PPARGC1A: variants seen among roughly 807,000 people sequenced by gnomAD.
PPARGC1A encodes peroxisome proliferator-activated receptor gamma coactivator 1-alpha.
PPARGC1A carries 25 observed loss-of-function variants against 88.7 expected under a neutral mutation model. That is an observed-to-expected ratio of 0.28 (90% CI 0.21 to 0.39). The LOEUF (loss-of-function observed/expected upper bound fraction) is 0.39, where lower values mean the gene tolerates loss of function less well. PPARGC1A is among the 10% of genes least tolerant of loss of function. The pLI is 1.00. For synonymous variants in PPARGC1A, 363 were observed against 355.6 expected, an observed-to-expected ratio of 1.02 and a Z score of -0.24; for missense variants, 880 against 968.7, an observed-to-expected ratio of 0.91 and a Z score of 1.22.
At chr4:24,197,868 AG>A in the PPARGC1A span, among the ~76,000 whole-genome samples, 1 of 152,220 alleles carries the variant, frequency 6.6e-6, no homozygotes, top group Non-Finnish European at 1.5e-5. Context: ...TTGTGAGGAA[AG>A]CTTACCTTTA....
chr4:24,037,727 C>T, the PPARGC1A span, among the ~76,000 whole-genome samples: 24 of 152,252 alleles, frequency 1.6e-4, no homozygotes, highest in East Asian at 4.4e-3. Context: ...CTTGTGTATG[C>T]GTCTTGCCAA....
upstream of PPARGC1A, among the ~76,000 whole-genome samples, chr4:23,908,087 C>T (rs1720276016): frequency 6.6e-6 from 1 of 152,100 alleles, no homozygotes; most frequent in African/African-American, 2.4e-5. Context: ...ACTACCGATG[C>T]TTCGTCATGG....
the PPARGC1A span, among the ~76,000 whole-genome samples, chr4:24,195,802 T>G: frequency 5.9e-5 from 9 of 152,194 alleles, no homozygotes; most frequent in Admixed American, 6.5e-5. Context: ...ACTCTAGGAT[T>G]TATAGCAAAA....
At chr4:24,222,005 G>A in the PPARGC1A span, among the ~76,000 whole-genome samples, 1 of 152,054 alleles carries the variant, frequency 6.6e-6, no homozygotes, top group Non-Finnish European at 1.5e-5. Flanking sequence ...CTCACTGAGA[G>A]ATACCCATTG....
the PPARGC1A span, among the ~76,000 whole-genome samples, chr4:24,125,767 C>CT: frequency 2.0e-5 from 3 of 152,136 alleles, no homozygotes; most frequent in Non-Finnish European, 4.4e-5. Flanking sequence ...ATTAAATTGA[C>CT]TTATCTCTAC....
the PPARGC1A span, among the ~76,000 whole-genome samples, chr4:24,096,152 C>T: frequency 6.6e-6 from 1 of 152,288 alleles, no homozygotes; most frequent in Admixed American, 6.5e-5. Flanking sequence ...TGGCACTTCC[C>T]TCTTCGCTTT....
At chr4:24,208,290 A>G in the PPARGC1A span, among the ~76,000 whole-genome samples, 59 of 152,040 alleles carry the variant, frequency 3.9e-4, no homozygotes, top group African/African-American at 1.4e-3. Context: ...AAAAAAGGGA[A>G]TGGAAGGGAA....
the PPARGC1A span, among the ~76,000 whole-genome samples, chr4:24,346,398 T>C: frequency 6.6e-6 from 1 of 152,160 alleles, no homozygotes; most frequent in African/African-American, 2.4e-5. Flanking sequence ...CTACTGTGAA[T>C]CCTTCTGGTC....
chr4:24,387,810 A>AAGAG, the PPARGC1A span, among the ~76,000 whole-genome samples: 45 of 108,380 alleles, frequency 4.2e-4, no homozygotes, highest in South Asian at 1.3e-3. Flanking sequence ...GAAAGAAAGA[A>AAGAG]AGAAAGAAAG....
the PPARGC1A span, among the ~76,000 whole-genome samples, chr4:24,160,964 T>C: frequency 7.9e-5 from 12 of 152,320 alleles, no homozygotes; most frequent in South Asian, 2.3e-3. Context: ...AAAATCACTC[T>C]GTTTTATTCT....
chr4:24,213,770 A>T, the PPARGC1A span, among the ~76,000 whole-genome samples: 1 of 152,222 alleles, frequency 6.6e-6, no homozygotes, highest in African/African-American at 2.4e-5. Flanking sequence ...AAAGGAAAAG[A>T]TTTCTCTGCC....
chr4:24,470,203 G>C, the PPARGC1A span, among the ~76,000 whole-genome samples: 2 of 151,558 alleles, frequency 1.3e-5, no homozygotes, highest in Non-Finnish European at 2.9e-5. This position sits in a 1 kb window ranked among gnomAD's most constrained non-coding sequence, Gnocchi z 5.8. Context: ...CCGGGTGCGT[G>C]GTTCAAGCCT....
At chr4:24,216,683 A>G in the PPARGC1A span, among the ~76,000 whole-genome samples, 1 of 152,124 alleles carries the variant, frequency 6.6e-6, no homozygotes, top group South Asian at 2.1e-4. Context: ...TAAATATTTG[A>G]GGTGGATTTA....
chr4:23,925,911 A>G, the PPARGC1A span, among the ~76,000 whole-genome samples: 10 of 152,164 alleles, frequency 6.6e-5, no homozygotes, highest in Non-Finnish European at 1.0e-4. Context: ...TAAAATTTCA[A>G]ACTTATAATG....
the PPARGC1A span, among the ~76,000 whole-genome samples, chr4:24,433,479 C>G: frequency 6.6e-6 from 1 of 152,168 alleles, no homozygotes; most frequent in Non-Finnish European, 1.5e-5. Context: ...ATCCCCATCT[C>G]TTTTAACCCA....
At chr4:24,228,032 C>T in the PPARGC1A span, among the ~76,000 whole-genome samples, 27 of 152,260 alleles carry the variant, frequency 1.8e-4, no homozygotes, top group African/African-American at 5.5e-4. Flanking sequence ...ACTGAGCCTG[C>T]GCAGCTCAGC....
At chr4:24,187,693 G>A in the PPARGC1A span, among the ~76,000 whole-genome samples, 3 of 152,146 alleles carry the variant, frequency 2.0e-5, no homozygotes, top group African/African-American at 7.2e-5. Context: ...TGGAGGATTA[G>A]ACGTCTATTA....
At chr4:23,807,348 A>G (rs940038456) in intron 10 of PPARGC1A, among the ~76,000 whole-genome samples, 6 of 152,166 alleles carry the variant, frequency 3.9e-5, no homozygotes, top group African/African-American at 1.4e-4. Context: ...GTTCTTAGAG[A>G]AAAAACAAAA....
the PPARGC1A span, among the ~76,000 whole-genome samples, chr4:24,258,006 G>A: frequency 1.2e-4 from 18 of 152,150 alleles, no homozygotes; most frequent in South Asian, 1.9e-3. Flanking sequence ...GGTGGCAGGC[G>A]GAGGTGGCTT....
Sources: gnomAD v4.1 joint callset for allele counts (sites outside exome capture counted in the v4.1 genomes callset) on GRCh38, gnomAD v4.1.1 for gene constraint, Gnocchi (gnomAD v3.1) non-coding constraint, MANE v1.5 for transcripts, NCBI Gene and HGNC (gene_info 2026-07-23, HGNC 2026-07-21) for gene names.